The following CACNA1B variants were observed in gnomAD, a reference collection of about 807,000 sequenced individuals.
CACNA1B encodes the protein voltage-dependent N-type calcium channel subunit alpha-1B.
CACNA1B carries 70 observed loss-of-function variants against 247.2 expected under a neutral mutation model. That is an observed-to-expected ratio of 0.28 (90% CI 0.23 to 0.35). The LOEUF is 0.35. Ranked by LOEUF, CACNA1B falls within the 10% of genes least tolerant of loss-of-function variation. CACNA1B has a pLI of 1.00. For synonymous variants in CACNA1B, 1,231 were observed against 1,294.4 expected (o/e 0.95, Z 1.05); for missense variants, 2,367 against 3,197.4 (o/e 0.74, Z 6.26).
Position 137,917,594 on chromosome 9 carries a change from C to T in CACNA1B, c.966+163C>T, listed in dbSNP as rs62589626. Among the ~76,000 whole-genome samples the T allele has an allele frequency of 2.0e-5, 3 of 152,164 alleles. No homozygotes were observed. Among genetic ancestry groups the T allele is most frequent in the African/African-American group, 4.8e-5 (2 of 41,442 alleles). On this transcript the variant is annotated intron_variant, in intron 6 of 46. Transcript: ENST00000371372. This position sits in a 1 kb window ranked among gnomAD's most constrained non-coding sequence, Gnocchi z 5.5. ...TGAAATGCAGGCTCTTTCCGGCAGA[C>T]GCCCCACCCAAGGGTCCACCACAGG...
chr9:137,932,245 G>T (rs1470252609), intron 6 of CACNA1B, among the ~76,000 whole-genome samples: 2 of 152,148 alleles, frequency 1.3e-5, no homozygotes, highest in African/African-American at 4.8e-5. Context: ...TTCTACTCTT[G>T]CTGTTCTTCC....
intron 37 of CACNA1B, among the ~76,000 whole-genome samples, chr9:138,097,637 G>A (rs1179473125): frequency 6.6e-6 from 1 of 152,144 alleles, no homozygotes; most frequent in African/African-American, 2.4e-5. Flanking sequence ...CCGTGCCCTA[G>A]GGGGATGAGG....
chr9:138,054,022 G>A lies in CACNA1B; in HGVS notation c.3968+16G>A. The A allele has an allele frequency of 6.2e-7, 1 of 1,613,006 alleles. No homozygotes were observed. The highest frequency in any genetic ancestry group is 8.5e-7 in the Non-Finnish European group (1 of 1,179,016). On this transcript the variant is annotated intron_variant, in intron 26 of 46. Coordinates refer to ENST00000371372, the MANE Select transcript of CACNA1B (RefSeq NM_000718.4). This position sits in a 1 kb window ranked among gnomAD's most constrained non-coding sequence, Gnocchi z 4.6. ...GGGACTGCAGGTAAACTGAGGCAGG[G>A]TGCAAGGTGGGACACACAGCCCCAT...
At chr9:138,089,289 A>T (rs1231890221) in intron 36 of CACNA1B, among the ~76,000 whole-genome samples, 1 of 152,240 alleles carries the variant, frequency 6.6e-6, no homozygotes, top group Non-Finnish European at 1.5e-5. Context: ...AATTAGTAGT[A>T]ACTGAATCCA....
At chr9:138,105,648 T>TG (rs1554758878) in intron 38 of CACNA1B, 51 bp from the exon 39 acceptor site, 1 of 986,928 alleles carries the variant, frequency 1.0e-6, no homozygotes, top group Non-Finnish European at 1.6e-6. Context: ...AGTCTTGGGG[T>TG]GGGGGGTGAC....
At chr9:138,110,841 A>T (rs77388653) in intron 39 of CACNA1B, among the ~76,000 whole-genome samples, 1,587 of 152,340 alleles carry the variant, frequency 0.01, 16 homozygotes, top group Non-Finnish European at 0.017. Context: ...AAGAACTGTC[A>T]CAACTCCCTA....
chr9:137,957,177 G>C lies in CACNA1B; in HGVS notation c.1243+350G>C, dbSNP rs1564207307. Among the ~76,000 whole-genome samples the C allele has an allele frequency of 2.6e-5, 4 of 152,320 alleles. No homozygotes were observed. In the Middle Eastern group the frequency reaches 0.01, roughly 389 times the overall value. Reference sequence around the variant, plus strand: ...CCAGCATAGCTGCAGCAGCAGGAAGGCTGCCCTCTCTGCACACCCACCGCT... The same window carrying C: ...CCAGCATAGCTGCAGCAGCAGGAAGCCTGCCCTCTCTGCACACCCACCGCT... On this transcript the variant is annotated intron_variant, in intron 9 of 46. Transcript: ENST00000371372. The surrounding 1 kb of genome is among the most constrained non-coding windows in gnomAD (Gnocchi z 4.7).
At chr9:138,116,139 G>C (rs143537276) in intron 42 of CACNA1B, among the ~76,000 whole-genome samples, 1 of 152,122 alleles carries the variant, frequency 6.6e-6, no homozygotes, top group African/African-American at 2.4e-5. Flanking sequence ...TCGGCCCTCC[G>C]TGCCAGCAGA....
At position 137,974,895 on chromosome 9, in the gene CACNA1B, C is replaced by T. The variant is rs541934525; in HGVS notation, c.1544-1012C>T. The stretch of plus-strand genomic sequence containing the variant: ...TGCTGACCTGGCAGAGCCATGGTGC[C>T]TTTGGCCTGACCAGCACTGTGAGAA... On this transcript the variant is annotated intron_variant, in intron 11 of 46. Coordinates refer to ENST00000371372, the MANE Select transcript of CACNA1B (RefSeq NM_000718.4). The surrounding 1 kb of genome is among the most constrained non-coding windows in gnomAD (Gnocchi z 4.5). 6.6e-6 allele frequency among the ~76,000 whole-genome samples: 1 copy of T among 152,344 alleles called. No homozygotes were observed. Among genetic ancestry groups the T allele is most frequent in the Admixed American group, 6.5e-5 (1 of 15,310 alleles).
rs986520686 is a variant in CACNA1B at position 137,899,331 on chromosome 9, G to C, written c.531-13849G>C. ...TGGTCTCGAACTCCTGATCTCAGATGATCCACCTGTCTTGGCCTCCCAAAG... is the reference window on the plus strand; with the variant it reads ...TGGTCTCGAACTCCTGATCTCAGATCATCCACCTGTCTTGGCCTCCCAAAG... On this transcript the variant is annotated intron_variant, in intron 3 of 46. Coordinates refer to ENST00000371372, the MANE Select transcript of CACNA1B (RefSeq NM_000718.4). The surrounding 1 kb of genome is among the most constrained non-coding windows in gnomAD (Gnocchi z 5.0). 6.6e-6 allele frequency among the ~76,000 whole-genome samples: 1 copy of C among 152,046 alleles called. No individual in the cohort carries two copies. Among genetic ancestry groups the C allele is most frequent in the Admixed American group, 6.6e-5 (1 of 15,248 alleles).
At chr9:137,995,507 ATC>A (rs1375018639) in intron 15 of CACNA1B, among the ~76,000 whole-genome samples, 1 of 152,216 alleles carries the variant, frequency 6.6e-6, no homozygotes, top group Non-Finnish European at 1.5e-5. Flanking sequence ...CTGGATCCTC[ATC>A]TCTCACCTTA....
Position 137,957,722 on chromosome 9 carries a change from C to A in CACNA1B, c.1333+35C>A. 6.9e-7 allele frequency: 1 copy of A among 1,452,078 alleles called. No individual in the cohort carries two copies. Among genetic ancestry groups the A allele is most frequent in the Non-Finnish European group, 9.4e-7 (1 of 1,063,320 alleles). The allele number at this position is 1,452,078 out of a possible 1,614,324, so 89.9% of individuals were successfully genotyped here. ...AGGGTGTCCCTCCAGCTCTGCCAGG[C>A]TTGAGCTGGACATGGAGTGCATGCT... On this transcript the variant is annotated intron_variant, in intron 10 of 46. Transcript: ENST00000371372. This position sits in a 1 kb window ranked among gnomAD's most constrained non-coding sequence, Gnocchi z 4.7.
At chr9:137,980,967 G>A (rs1173958586) in intron 12 of CACNA1B, among the ~76,000 whole-genome samples, 2 of 152,184 alleles carry the variant, frequency 1.3e-5, no homozygotes, top group East Asian at 1.9e-4. Context: ...GTGAACAAAT[G>A]CATGTGTCTT....
At position 138,075,926 on chromosome 9, in the gene CACNA1B, A is replaced by C; in HGVS notation, c.4949+16A>C. 1 of 1,565,024 alleles carries C rather than the reference A, an allele frequency of 6.4e-7. No individual in the cohort carries two copies. The highest frequency in any genetic ancestry group is 8.8e-7 in the Non-Finnish European group (1 of 1,139,778). On this transcript the variant is annotated intron_variant, in intron 35 of 46. Transcript: ENST00000371372. ...TGCTGTTCAGGTGTGTTGTTCGGTC[A>C]GCCCAGGCCAATGTCTGCTCTTCCG...
rs1962197577 is a variant in CACNA1B, at chr9:138,124,446, C to A, written c.*2447C>A. ...GTTAAAAAAAAAAAAAAGTCCCAAC[C>A]ATGCAACACAACTGGGACCTACTTA... On this transcript the variant is annotated 3_prime_UTR_variant, in exon 47 of 47. Transcript: ENST00000371372. 1 of 150,992 alleles carries A rather than the reference C, an allele frequency of 6.6e-6. No individual in the cohort carries two copies. The highest frequency in any genetic ancestry group is 2.1e-4 in the South Asian group (1 of 4,796). The allele number at this position is 150,992 out of a possible 1,614,324, so 9.4% of individuals were successfully genotyped here. A position where few individuals can be genotyped will look rare whatever the true frequency, so the allele number is the denominator to read the frequency against.
intron 39 of CACNA1B, among the ~76,000 whole-genome samples, chr9:138,107,108 T>C (rs775129557): frequency 1.4e-4 from 21 of 152,182 alleles, no homozygotes; most frequent in Non-Finnish European, 8.8e-5. Flanking sequence ...CCTATTCCCA[T>C]GGCTTTAAAT....
At chr9:138,113,227 C>T (rs1053979339) in intron 40 of CACNA1B, among the ~76,000 whole-genome samples, 7 of 142,302 alleles carry the variant, frequency 4.9e-5, no homozygotes, top group South Asian at 2.3e-4. Flanking sequence ...TGAGGGAGTT[C>T]GGGGAGGTGC....
rs199783714 is a variant in CACNA1B at position 138,059,642 on chromosome 9, C to T, written c.4585-12C>T. The stretch of plus-strand genomic sequence containing the variant: ...TCAGCCGCTGGCACTAACTGCTCTT[C>T]TTTTTCTCTAGAACTATTTCAGAGA... On this transcript the variant is annotated splice_polypyrimidine_tract_variant and intron_variant, in intron 30 of 46. Transcript: ENST00000371372. This position sits in a 1 kb window ranked among gnomAD's most constrained non-coding sequence, Gnocchi z 4.2. 6.4e-7 allele frequency: 1 copy of T among 1,563,462 alleles called. No homozygotes were observed. The highest frequency in any genetic ancestry group is 1.4e-5 in the African/African-American group (1 of 73,952).
At chr9:138,084,237 T>C (rs1960621446) in intron 36 of CACNA1B, among the ~76,000 whole-genome samples, 2 of 151,180 alleles carry the variant, frequency 1.3e-5, no homozygotes, top group Admixed American at 6.6e-5. Context: ...ATTCTAAGTA[T>C]AGGACACCAG....
Sources: gnomAD v4.1 joint callset for allele counts (sites outside exome capture counted in the v4.1 genomes callset) on GRCh38, gnomAD v4.1.1 for gene constraint, Gnocchi (gnomAD v3.1) non-coding constraint, MANE v1.5 for transcripts, NCBI Gene and HGNC (gene_info 2026-07-23, HGNC 2026-07-21) for gene names.